The following RAMACL variants were observed in gnomAD, a reference collection of about 807,000 sequenced individuals.
RAMACL encodes the protein RNA guanine-N7 methyltransferase-activating subunit-like protein.
Under a neutral mutation model 13.4 loss-of-function variants are expected in RAMACL, and 9 were observed. The ratio of observed to expected loss-of-function variants is 0.67; its 90% confidence interval spans 0.41 to 1.17. RAMACL has a LOEUF of 1.17. Ranked by LOEUF, RAMACL falls within the 50% of genes most tolerant of loss-of-function variation. The pLI is 0.01. For missense variants in RAMACL, 124 were observed against 141.6 expected, an observed-to-expected ratio of 0.88 and a Z score of 0.63; for synonymous variants, 39 against 49.3, an observed-to-expected ratio of 0.79 and a Z score of 0.88.
At chr6:166,586,211 G>T (rs1483385017) in exon 1 of RAMACL, 24 of 1,589,764 alleles carry the variant, frequency 1.5e-5, no homozygotes, top group East Asian at 4.5e-5. Flanking sequence ...GCGGGTAGTT[G>T]TTACCCCAGG....
chr6:166,586,483 AAATC>A (rs1318888402), exon 1 of RAMACL: 1 of 1,596,600 alleles, frequency 6.3e-7, no homozygotes, highest in Non-Finnish European at 8.5e-7. Flanking sequence ...GTCATTCTGA[AAATC>A]CCAAAGGTTT....
chr6:166,586,193 T>C, exon 1 of RAMACL: 1 of 1,585,104 alleles, frequency 6.3e-7, no homozygotes, highest in Admixed American at 1.7e-5. Flanking sequence ...AAGGTTCTTG[T>C]CTGTGTTGCG....
chr6:166,585,407 T>G (rs1286953654), downstream of RAMACL, among the ~76,000 whole-genome samples: 2 of 152,074 alleles, frequency 1.3e-5, no homozygotes, highest in African/African-American at 4.8e-5. Flanking sequence ...TTACAGAACC[T>G]AATTTTCACA....
exon 1 of RAMACL, chr6:166,586,245 C>T (rs1583302895): frequency 2.5e-6 from 4 of 1,595,316 alleles, no homozygotes; most frequent in East Asian, 2.2e-5. Context: ...CTGATTGGAT[C>T]GATTGTCACT....
chr6:166,584,834 A>C (rs1275757819), downstream of RAMACL, among the ~76,000 whole-genome samples: 1 of 152,250 alleles, frequency 6.6e-6, no homozygotes, highest in African/African-American at 2.4e-5. Context: ...GATCTATTTG[A>C]AATGCAATAT....
At chr6:166,584,889 A>G (rs997546982), downstream of RAMACL, among the ~76,000 whole-genome samples, 3 of 152,274 alleles carry the variant, frequency 2.0e-5, no homozygotes, top group Admixed American at 1.3e-4. Flanking sequence ...AGGGTTTACA[A>G]TAACAACATT....
In RAMACL at chr6:166,586,061, C is replaced by T. The variant is rs530516111; in HGVS notation, c.*60G>A. 1.3e-4 allele frequency: 121 copies of T among 907,344 alleles called. 2 individuals carry two copies. In the South Asian group the frequency reaches 2.1e-3, roughly 15 times the overall value. The allele number at this position is 907,344 out of a possible 1,614,324, so 56.2% of individuals were successfully genotyped here. On this transcript the variant is annotated 3_prime_UTR_variant, in exon 1 of 1. Coordinates refer to ENST00000444122, the Ensembl canonical transcript of RAMACL. ...GTAAAACTATGACCAACAGAAGACA[C>T]CCAAACTTTTCTCATGGTAACAGAG...
At chr6:166,584,417 C>T (rs1309784762), downstream of RAMACL, among the ~76,000 whole-genome samples, 1 of 152,220 alleles carries the variant, frequency 6.6e-6, no homozygotes, top group African/African-American at 2.4e-5. Flanking sequence ...TGGAGGGATA[C>T]AATTGAGTCC....
chr6:166,584,785 G>A (rs770424837), downstream of RAMACL, among the ~76,000 whole-genome samples: 2 of 152,346 alleles, frequency 1.3e-5, no homozygotes, highest in South Asian at 2.1e-4. Context: ...CTCAGAAAGC[G>A]TTCCAATAGA....
At position 166,585,995 on chromosome 6, in the gene RAMACL, C is replaced by T. The variant is rs1274187639; in HGVS notation, c.*126G>A. ...GTAAGATCTATTTTTTTTAAAGTCT[C>T]AACTTCCAAAAAATCAATAATCCAT... is the stretch of plus-strand genomic sequence containing the variant. On this transcript the variant is annotated 3_prime_UTR_variant, in exon 1 of 1. Coordinates refer to ENST00000444122, the Ensembl canonical transcript of RAMACL. 5.5e-5 allele frequency: 28 copies of T among 505,070 alleles called. 1 individual carries two copies. The highest frequency in any genetic ancestry group is 8.3e-5 in the Non-Finnish European group (27 of 327,176). The allele number at this position is 505,070 out of a possible 1,614,324, so 31.3% of individuals were successfully genotyped here. A position where few individuals can be genotyped will look rare whatever the true frequency, so the allele number is the denominator to read the frequency against.
chr6:166,586,082 CAG>C, exon 1 of RAMACL: 1 of 1,105,716 alleles, frequency 9.0e-7, no homozygotes, highest in Non-Finnish European at 1.2e-6. Context: ...CTCATGGTAA[CAG>C]AGTAAATGCT....
downstream of RAMACL, among the ~76,000 whole-genome samples, chr6:166,583,625 A>T (rs1049380750): frequency 6.6e-5 from 10 of 152,226 alleles, no homozygotes; most frequent in Non-Finnish European, 1.3e-4. Flanking sequence ...GTTTGTCATT[A>T]AAAACCGAAG....
rs1249429508 is a variant in RAMACL at position 166,586,336 on chromosome 6, C to T, written c.142G>A (p.Gly48Ser). Residue 48 changes from glycine to serine, a missense_variant, in exon 1 of 1, where the codon GGT (glycine) becomes AGT (serine). Physicochemically the swap from Gly to Ser is moderately conservative, Grantham distance 56. Transcript: ENST00000444122. ...TTGCCTCTGTTTCTTTGGTTCCCAC[C>T]AGCTCTGCTATTCCATTCCTCAACA... is the stretch of plus-strand genomic sequence containing the variant. 8.1e-6 allele frequency: 13 copies of T among 1,599,416 alleles called. 1 individual carries two copies. The Admixed American group carries it at 1.7e-4, about 21-fold the overall frequency.
At chr6:166,583,230 G>T (rs1213003975), downstream of RAMACL, among the ~76,000 whole-genome samples, 1 of 152,172 alleles carries the variant, frequency 6.6e-6, no homozygotes, top group African/African-American at 2.4e-5. Flanking sequence ...TGCTTGTTTA[G>T]AAAGCACACT....
chr6:166,584,273 C>G (rs1785105360), downstream of RAMACL, among the ~76,000 whole-genome samples: 1 of 152,230 alleles, frequency 6.6e-6, no homozygotes, highest in Admixed American at 6.5e-5. Context: ...GTCTCTCTTC[C>G]TCTTCCTCTG....
chr6:166,584,641 A>G (rs575717708), downstream of RAMACL, among the ~76,000 whole-genome samples: 3 of 152,358 alleles, frequency 2.0e-5, no homozygotes, highest in South Asian at 4.1e-4. Context: ...GTATACCCCA[A>G]TCTGGTCATT....
exon 1 of RAMACL, chr6:166,586,605 G>A (rs1785183753): frequency 1.2e-5 from 10 of 804,536 alleles, no homozygotes; most frequent in Non-Finnish European, 1.9e-5. Context: ...CCCAGGAGAG[G>A]TGGCCTCTGG....
chr6:166,585,432 T>C (rs917303144), downstream of RAMACL, among the ~76,000 whole-genome samples: 2 of 152,024 alleles, frequency 1.3e-5, no homozygotes, highest in Non-Finnish European at 2.9e-5. Context: ...CTTATAATTG[T>C]GTGCAATTGT....
chr6:166,585,373 C>G (rs1428801159), downstream of RAMACL, among the ~76,000 whole-genome samples: 1 of 152,262 alleles, frequency 6.6e-6, no homozygotes, highest in Non-Finnish European at 1.5e-5. Flanking sequence ...TTATGGTTCT[C>G]CACTATGTTT....
Sources: allele counts gnomAD v4.1 joint callset (sites outside exome capture counted in the v4.1 genomes callset), GRCh38; gene constraint gnomAD v4.1.1; transcripts MANE v1.5; gene names NCBI Gene and HGNC (gene_info 2026-07-23, HGNC 2026-07-21).